The following DCLK1 variants were observed in gnomAD, a reference collection of about 807,000 sequenced individuals.
DCLK1 encodes the protein serine/threonine-protein kinase DCLK1.
Under a neutral mutation model 86.2 loss-of-function variants are expected in DCLK1, and 16 were observed. The observed-to-expected ratio is 0.19, with a 90% CI of 0.13 to 0.28. The LOEUF (loss-of-function observed/expected upper bound fraction) is 0.28. Ranked by LOEUF, DCLK1 falls within the 10% of genes least tolerant of loss-of-function variation. The pLI, the probability that DCLK1 is intolerant of heterozygous loss-of-function variation, is 1.00. For synonymous variants in DCLK1, 369 were observed against 370.5 expected (o/e 1.00, Z 0.05); for missense variants, 590 against 940.2 (o/e 0.63, Z 4.87).
intron 3 of DCLK1, among the ~76,000 whole-genome samples, chr13:35,979,671 C>T (rs1201335337): frequency 1.3e-5 from 2 of 152,226 alleles, no homozygotes; most frequent in East Asian, 1.9e-4. Flanking sequence ...GAACAAATCC[C>T]AGTGGCGAAA....
At position 35,805,741 on chromosome 13, in the gene DCLK1, C is replaced by T. The variant is rs1298968910; in HGVS notation, c.1902G>A (p.Gln634=). 2 of 1,613,848 alleles carry T rather than the reference C, an allele frequency of 1.2e-6. No individual in the cohort carries two copies. The highest frequency in any genetic ancestry group is 1.7e-6 in the Non-Finnish European group (2 of 1,179,882). Residue 634 remains glutamine (Q), a synonymous_variant, in exon 15 of 17, where the codon CAG becomes CAA. Transcript: ENST00000360631. ...ITMMLLVDVD[Q]RFSAVQVLEH... ...CAAGTACTTGAACAGCAGAAAATCG[C>T]TGATCTACATCGACCAACAGCATCA...
At chr13:35,913,049 A>G (rs1321886787) in intron 4 of DCLK1, among the ~76,000 whole-genome samples, 4 of 152,192 alleles carry the variant, frequency 2.6e-5, no homozygotes, top group African/African-American at 9.7e-5. Context: ...CTCCGTCGCA[A>G]GTCTGACAAG....
intron 16 of DCLK1, chr13:35,788,200 A>G: frequency 6.2e-7 from 1 of 1,613,284 alleles, no homozygotes; most frequent in South Asian, 1.1e-5. Context: ...GTTGAGCTGC[A>G]CCATCTCATA....
upstream of DCLK1, among the ~76,000 whole-genome samples, chr13:36,131,883 A>T (rs1342262098): frequency 6.6e-6 from 1 of 151,956 alleles, no homozygotes; most frequent in Non-Finnish European, 1.5e-5. Flanking sequence ...CGGATGACCA[A>T]CCCTCCCAAG....
chr13:35,905,409 TC>T (rs1424707845), intron 4 of DCLK1, among the ~76,000 whole-genome samples: 3 of 152,292 alleles, frequency 2.0e-5, no homozygotes, highest in Non-Finnish European at 2.9e-5. Flanking sequence ...AAAGAGAAGA[TC>T]CCACCCTATC....
chr13:35,990,370 C>G (rs1880166360), intron 3 of DCLK1, among the ~76,000 whole-genome samples: 1 of 152,166 alleles, frequency 6.6e-6, no homozygotes, highest in African/African-American at 2.4e-5. Flanking sequence ...GAAGCACATC[C>G]TTTCTCCCAG....
intron 3 of DCLK1, among the ~76,000 whole-genome samples, chr13:35,973,850 G>C (rs1355140816): frequency 6.6e-6 from 1 of 152,134 alleles, no homozygotes; most frequent in African/African-American, 2.4e-5. Flanking sequence ...TCCTGGAGGA[G>C]GTCAGAGCAC....
rs1200273791 is a variant in DCLK1, at chr13:35,773,272, A to G, written c.*1263T>C. 6.6e-6 allele frequency: 1 copy of G among 152,578 alleles called. No homozygotes were observed. The highest frequency in any genetic ancestry group is 1.5e-5 in the Non-Finnish European group (1 of 68,046). 9.5% of individuals were successfully genotyped at this position (152,578 alleles called of 1,614,324 possible). ...CAGAAAAAACACTCTGACCTCCTGG[A>G]CAGCTAAAGACAGTGGTATTTAAAA... On this transcript the variant is annotated 3_prime_UTR_variant, in exon 17 of 17. Coordinates refer to ENST00000360631, the MANE Select transcript of DCLK1 (RefSeq NM_001330071.2).
At chr13:35,788,842 G>T (rs1407933923) in intron 16 of DCLK1, among the ~76,000 whole-genome samples, 2 of 152,058 alleles carry the variant, frequency 1.3e-5, no homozygotes, top group Non-Finnish European at 2.9e-5. Context: ...TTTATAAAAG[G>T]TATATGATCT....
intron 11 of DCLK1, among the ~76,000 whole-genome samples, chr13:35,817,571 A>G (rs2087299367): frequency 6.6e-6 from 1 of 152,172 alleles, no homozygotes; most frequent in Admixed American, 6.5e-5. Context: ...TGTCATATAC[A>G]GTACAAGAAA....
intron 3 of DCLK1, among the ~76,000 whole-genome samples, chr13:36,001,143 T>C (rs952977317): frequency 2.6e-5 from 4 of 152,110 alleles, no homozygotes; most frequent in African/African-American, 9.7e-5. Flanking sequence ...AGATGGGGTT[T>C]CTACATGTTG....
chr13:35,926,604 C>A (rs7332579), intron 4 of DCLK1, among the ~76,000 whole-genome samples: 99,721 of 152,062 alleles, frequency 0.66, 33,091 homozygotes, highest in Admixed American at 0.76. Flanking sequence ...ATAGTTCACA[C>A]TAAAGATCTC....
chr13:35,794,191 T>C (rs937051445), intron 15 of DCLK1, among the ~76,000 whole-genome samples: 3 of 152,232 alleles, frequency 2.0e-5, no homozygotes, highest in Non-Finnish European at 4.4e-5. Flanking sequence ...GTCATAAGTA[T>C]GTGCCACCAC....
chr13:35,847,317 T>C (rs1870253285), intron 6 of DCLK1: 1 of 985,098 alleles, frequency 1.0e-6, no homozygotes, highest in South Asian at 4.7e-5. Context: ...TAACACTTTA[T>C]TACATGAAGA....
chr13:35,959,886 T>C (rs866645882), intron 3 of DCLK1, among the ~76,000 whole-genome samples: 5 of 139,408 alleles, frequency 3.6e-5, no homozygotes, highest in African/African-American at 1.1e-4. Context: ...TGTGTGTGTG[T>C]GTGTGTGCAC....
intron 3 of DCLK1, among the ~76,000 whole-genome samples, chr13:36,003,977 C>A (rs552930006): frequency 6.6e-6 from 1 of 152,198 alleles, no homozygotes; most frequent in African/African-American, 2.4e-5. Context: ...GTTAACTTTA[C>A]TGTAGAGTGT....
intron 3 of DCLK1, among the ~76,000 whole-genome samples, chr13:36,076,539 A>ACT (rs934639834): frequency 2.6e-5 from 4 of 152,054 alleles, no homozygotes; most frequent in East Asian, 1.9e-4. Context: ...ACTCCTGAGA[A>ACT]CTCTCTCTCT....
intron 4 of DCLK1, among the ~76,000 whole-genome samples, chr13:35,920,286 G>C (rs75738311): frequency 2.6e-5 from 4 of 152,106 alleles, no homozygotes; most frequent in Non-Finnish European, 5.9e-5. Flanking sequence ...GCCTTGACAC[G>C]TATGGAGCAT....
chr13:35,975,108 A>C (rs1258591441), intron 3 of DCLK1, among the ~76,000 whole-genome samples: 1 of 152,214 alleles, frequency 6.6e-6, no homozygotes, highest in Non-Finnish European at 1.5e-5. Flanking sequence ...TACATGACCA[A>C]AGACTAGGTC....
Sources: gnomAD v4.1 joint callset for allele counts (sites outside exome capture counted in the v4.1 genomes callset) on GRCh38, gnomAD v4.1.1 for gene constraint, MANE v1.5 for transcripts, NCBI Gene and HGNC (gene_info 2026-07-23, HGNC 2026-07-21) for gene names.